Variants in ZBTB20 observed in about 807,000 individuals in gnomAD.
ZBTB20 encodes zinc finger and BTB domain containing 20.
In ZBTB20, 9 loss-of-function variants were observed where a neutral mutation model predicts 56.9. The ratio of observed to expected loss-of-function variants is 0.16; its 90% CI spans 0.10 to 0.28. ZBTB20 has a LOEUF of 0.28. Ranked by LOEUF, ZBTB20 falls within the 10% of genes least tolerant of loss-of-function variation. The pLI, the probability that ZBTB20 is intolerant of heterozygous loss-of-function variation, is 1.00. For synonymous variants in ZBTB20, 417 were observed against 420.7 expected (o/e 0.99, Z 0.11); for missense variants, 655 against 1,003.0 (o/e 0.65, Z 4.69).
In ZBTB20 at chr3:114,484,274, C is replaced by A. The variant is rs146602186; in HGVS notation, c.-255+16078G>T. On this transcript the variant is annotated intron_variant, in intron 7 of 11. Transcript: ENST00000675478. ...CTAAATTAGTTTTGATCAACACTGT[C>A]GGATTTTTAAACCCACCAACGTAAT... Among the ~76,000 whole-genome samples the A allele has an allele frequency of 2.0e-3, 312 of 152,228 alleles. 1 individual carries two copies. The highest frequency in any genetic ancestry group is 7.1e-3 in the African/African-American group (294 of 41,532).
chr3:114,843,586 C>A (rs1446922768), intron 4 of ZBTB20, among the ~76,000 whole-genome samples: 1 of 152,120 alleles, frequency 6.6e-6, no homozygotes, highest in Non-Finnish European at 1.5e-5. Flanking sequence ...CCAGGTTGGC[C>A]TCAAATTCCT....
rs185699999 is a variant in ZBTB20 at position 114,701,726 on chromosome 3, G to A, written c.-342-8151C>T. Among the ~76,000 whole-genome samples, 35 of 151,902 alleles carry A rather than the reference G, an allele frequency of 2.3e-4. No individual in the cohort carries two copies. The South Asian group carries it at 5.6e-3, about 24-fold the overall frequency. On this transcript the variant is annotated intron_variant, in intron 5 of 11. Transcript: ENST00000675478. Reference sequence around the variant, plus strand: ...TGTACTGCAATGCAATGCAACACCAGGAACAGAATATGAAACCATCTAACT... The same window carrying A: ...TGTACTGCAATGCAATGCAACACCAAGAACAGAATATGAAACCATCTAACT...
At chr3:114,990,020 T>A (rs2078730846) in intron 2 of ZBTB20, among the ~76,000 whole-genome samples, 1 of 152,162 alleles carries the variant, frequency 6.6e-6, no homozygotes, top group South Asian at 2.1e-4. Context: ...GATGGGGTTT[T>A]CTAAATATAC....
chr3:114,338,870 A>G lies in ZBTB20; in HGVS notation c.*135T>C. 1 of 1,083,368 alleles carries G rather than the reference A, an allele frequency of 9.2e-7. No individual in the cohort carries two copies. The highest frequency in any genetic ancestry group is 1.3e-6 in the Non-Finnish European group (1 of 786,678). 67.1% of individuals were successfully genotyped at this position (1,083,368 alleles called of 1,614,324 possible). A position where few individuals can be genotyped will look rare whatever the true frequency, so the allele number is the denominator to read the frequency against. Reference sequence around the variant, plus strand: ...ACAGTTCTTCATGTAGTACAAAATGAAACGAAACAAAAACAAAAACAGAAA... The same window carrying G: ...ACAGTTCTTCATGTAGTACAAAATGGAACGAAACAAAAACAAAAACAGAAA... On this transcript the variant is annotated 3_prime_UTR_variant, in exon 12 of 12. Transcript: ENST00000675478.
chr3:114,957,473 T>C (rs926123486), intron 3 of ZBTB20, among the ~76,000 whole-genome samples: 1 of 152,194 alleles, frequency 6.6e-6, no homozygotes, highest in Non-Finnish European at 1.5e-5. Context: ...TTTAAATGCA[T>C]TTATCTCTGT....
chr3:114,940,488 T>C (rs2076690169), intron 3 of ZBTB20, among the ~76,000 whole-genome samples: 1 of 145,790 alleles, frequency 6.9e-6, no homozygotes, highest in Admixed American at 6.6e-5. Context: ...GTTTCATAGA[T>C]TGCTGTCATG....
At chr3:115,067,977 T>C (rs1411555035) in intron 2 of ZBTB20, among the ~76,000 whole-genome samples, 4 of 152,126 alleles carry the variant, frequency 2.6e-5, no homozygotes, top group South Asian at 2.1e-4. Flanking sequence ...TCCAGGCATA[T>C]GAGTCAAGAA....
chr3:114,663,574 A>T (rs2108099825), intron 6 of ZBTB20, among the ~76,000 whole-genome samples: 1 of 151,856 alleles, frequency 6.6e-6, no homozygotes, highest in African/African-American at 2.4e-5. Flanking sequence ...AAATTCTCCA[A>T]TTAAAAGACA....
At chr3:114,410,345 TTAAGA>T (rs2087810961) in intron 7 of ZBTB20, among the ~76,000 whole-genome samples, 1 of 152,080 alleles carries the variant, frequency 6.6e-6, no homozygotes, top group Admixed American at 6.6e-5. Flanking sequence ...AGAGGTACTA[TTAAGA>T]TAAGAAAATT....
At chr3:114,961,015 T>C (rs1171505505) in intron 3 of ZBTB20, among the ~76,000 whole-genome samples, 1 of 151,930 alleles carries the variant, frequency 6.6e-6, no homozygotes, top group Non-Finnish European at 1.5e-5. Flanking sequence ...TGGAGGTCCC[T>C]GCAGCAGACA....
intron 3 of ZBTB20, among the ~76,000 whole-genome samples, chr3:114,924,781 TA>T (rs1390474962): frequency 2.6e-5 from 4 of 152,122 alleles, no homozygotes; most frequent in African/African-American, 9.7e-5. Flanking sequence ...AATAAAATTG[TA>T]CTTCCGGTTT....
chr3:114,732,056 C>T (rs1203760391), intron 5 of ZBTB20, among the ~76,000 whole-genome samples: 2 of 152,206 alleles, frequency 1.3e-5, no homozygotes, highest in Non-Finnish European at 2.9e-5. Flanking sequence ...GTCTAGCAAG[C>T]ACCACTTCTT....
At position 114,323,424 on chromosome 3, in the gene ZBTB20, T is replaced by A. The variant is rs2078963389; in HGVS notation, c.*15581A>T. The A allele has an allele frequency of 6.6e-6, 1 of 152,248 alleles. No individual in the cohort carries two copies. The highest frequency in any genetic ancestry group is 1.5e-5 in the Non-Finnish European group (1 of 68,048). The allele number at this position is 152,248 out of a possible 1,614,324, so 9.4% of individuals were successfully genotyped here. A position where few individuals can be genotyped will look rare whatever the true frequency, so the allele number is the denominator to read the frequency against. ...GACTTTACCACATGCATAGCCTTCC[T>A]CTTTGGTTAGCCTGATCTAGGTTTC... On this transcript the variant is annotated 3_prime_UTR_variant, in exon 12 of 12. Coordinates refer to ENST00000675478, the MANE Select transcript of ZBTB20 (RefSeq NM_001348800.3).
intron 6 of ZBTB20, among the ~76,000 whole-genome samples, chr3:114,562,565 T>C (rs2052212224): frequency 6.6e-6 from 1 of 152,226 alleles, no homozygotes; most frequent in Non-Finnish European, 1.5e-5. Context: ...TTAATTTCCT[T>C]AAAGAACATT....
In ZBTB20 at chr3:114,337,554, G is replaced by A. The variant is rs2079501478; in HGVS notation, c.*1451C>T. The A allele has an allele frequency of 6.6e-6, 1 of 152,154 alleles. No individual in the cohort carries two copies. The highest frequency in any genetic ancestry group is 2.1e-4 in the South Asian group (1 of 4,832). 9.4% of individuals were successfully genotyped at this position (152,154 alleles called of 1,614,324 possible). On this transcript the variant is annotated 3_prime_UTR_variant, in exon 12 of 12. Coordinates refer to ENST00000675478, the MANE Select transcript of ZBTB20 (RefSeq NM_001348800.3). ...ATGAATCAGTTGAAAAAATTATTCA[G>A]TGGGGCAACTTAAGCTTGCTAAAGT...
intron 1 of ZBTB20, among the ~76,000 whole-genome samples, chr3:115,132,986 A>G (rs1560597283): frequency 6.6e-6 from 1 of 152,216 alleles, no homozygotes; most frequent in Non-Finnish European, 1.5e-5. Flanking sequence ...CATTTTCCTT[A>G]GAATTTTTTA....
At position 114,918,769 on chromosome 3, in the gene ZBTB20, C is replaced by T. The variant is rs543272148; in HGVS notation, c.-455-18427G>A. ...GACAAAGTCCTGTTTACTCTTCACT[C>T]CTCTCCTCAAGTGGAATAAAGGAGT... On this transcript the variant is annotated intron_variant, in intron 3 of 11. Transcript: ENST00000675478. Among the ~76,000 whole-genome samples the T allele has an allele frequency of 4.6e-5, 7 of 152,314 alleles. No homozygotes were observed. The South Asian group carries it at 1.2e-3, about 27-fold the overall frequency.
intron 2 of ZBTB20, among the ~76,000 whole-genome samples, chr3:114,984,083 T>G (rs1005909974): frequency 4.6e-5 from 7 of 152,002 alleles, no homozygotes; most frequent in Non-Finnish European, 1.0e-4. Context: ...TGGTTTAATT[T>G]GAACATGTCA....
At chr3:115,124,838 G>C (rs1340039976) in intron 1 of ZBTB20, among the ~76,000 whole-genome samples, 5 of 151,916 alleles carry the variant, frequency 3.3e-5, no homozygotes, top group Non-Finnish European at 5.9e-5. Flanking sequence ...CAACTCAAGT[G>C]AATGATTTAA....
Sources: gnomAD v4.1 joint callset for allele counts (sites outside exome capture counted in the v4.1 genomes callset) on GRCh38, gnomAD v4.1.1 for gene constraint, MANE v1.5 for transcripts, NCBI Gene and HGNC (gene_info 2026-07-23, HGNC 2026-07-21) for gene names.